The following ZNF610 variants were observed in gnomAD, a reference collection of about 807,000 sequenced individuals.
ZNF610 encodes the protein zinc finger protein 610, also known as zink finger protein.
Under a neutral mutation model 14.1 loss-of-function variants are expected in ZNF610, and 14 were observed. The observed-to-expected ratio is 0.99, with a 90% CI of 0.65 to 1.55. The LOEUF is 1.55. ZNF610 is among the 40% of genes most tolerant of loss of function. The pLI is 0.00. For missense variants in ZNF610, 530 were observed against 558.0 expected (o/e 0.95, Z 0.51); for synonymous variants, 185 against 187.6 (o/e 0.99, Z 0.11).
Position 52,363,573 on chromosome 19 carries a change from G to GCC in ZNF610, c.320-2125_320-2124insCC, listed in dbSNP as rs1985887611. 2.0e-5 allele frequency among the ~76,000 whole-genome samples: 3 copies of GCC among 152,178 alleles called. No homozygotes were observed. In the South Asian group the frequency reaches 6.2e-4, roughly 32 times the overall value. The stretch of plus-strand genomic sequence containing the variant: ...ATTTGGTGCCTATATATTTATAGTT[G>GCC]TTATATCTTCTTGGTGAATTGAACC... On this transcript the variant is annotated intron_variant, in intron 5 of 5. Coordinates refer to ENST00000403906, the MANE Select transcript of ZNF610 (RefSeq NM_001161425.2).
intron 5 of ZNF610, among the ~76,000 whole-genome samples, chr19:52,355,443 C>A (rs919275571): frequency 2.0e-5 from 3 of 152,226 alleles, no homozygotes; most frequent in Admixed American, 2.0e-4. Flanking sequence ...TTCTCACATG[C>A]CACTCAGCAC....
chr19:52,352,632 C>T (rs899211471), intron 3 of ZNF610, among the ~76,000 whole-genome samples: 2 of 152,106 alleles, frequency 1.3e-5, no homozygotes, highest in Non-Finnish European at 2.9e-5. Context: ...TCTAACAGAT[C>T]CTGCTTTTTC....
upstream of ZNF610, among the ~76,000 whole-genome samples, chr19:52,334,417 G>A (rs1027793974): frequency 6.6e-6 from 1 of 152,194 alleles, no homozygotes; most frequent in Non-Finnish European, 1.5e-5. Flanking sequence ...GGAGGCTGAG[G>A]CAGGAGAATT....
intron 5 of ZNF610, among the ~76,000 whole-genome samples, chr19:52,364,766 T>C (rs2115102): frequency 0.2 from 30,167 of 152,110 alleles, 3,169 homozygotes; most frequent in East Asian, 0.32. Context: ...TTAGCAGAGA[T>C]GAGGTTTCAC....
At position 52,366,245 on chromosome 19, in the gene ZNF610, A is replaced by T. The variant is rs749738110; in HGVS notation, c.867A>T (p.Lys289Asn). 6.2e-7 allele frequency: 1 copy of T among 1,613,308 alleles called. No individual in the cohort carries two copies. Among genetic ancestry groups the T allele is most frequent in the South Asian group, 1.1e-5 (1 of 90,992 alleles). The change falls in exon 6 of 6, where the codon AAA becomes AAT. Residue 289 changes from lysine (K) to asparagine (N), a missense_variant. Physicochemically the swap from Lys to Asn is moderately conservative, Grantham distance 94. Coordinates refer to ENST00000403906, the MANE Select transcript of ZNF610 (RefSeq NM_001161425.2). ...TTCATACTGGAGAGAAGCCTCACAA[A>T]TGTAACGAATGTGGCAAAGCTTTTA... ...QRIHTGEKPH[K>N]CNECGKAFRE...
chr19:52,353,097 C>G (rs1471968531), intron 3 of ZNF610, among the ~76,000 whole-genome samples: 2 of 152,012 alleles, frequency 1.3e-5, no homozygotes. Context: ...CGCCACCATG[C>G]CTGGCTAATT....
chr19:52,338,746 G>A (rs1465743349), intron 1 of ZNF610, among the ~76,000 whole-genome samples: 4 of 152,100 alleles, frequency 2.6e-5, no homozygotes, highest in African/African-American at 9.7e-5. Flanking sequence ...TGTTGCCCTG[G>A]CTGGTGTGCA....
At chr19:52,359,682 T>C (rs1985688476) in intron 5 of ZNF610, among the ~76,000 whole-genome samples, 1 of 151,492 alleles carries the variant, frequency 6.6e-6, no homozygotes, top group Non-Finnish European at 1.5e-5. Context: ...GGTATAGGAG[T>C]TTTTTCCCAC....
At position 52,354,374 on chromosome 19, in the gene ZNF610, A is replaced by AC; in HGVS notation, c.315dup (p.Thr106HisfsTer17). On this transcript the variant is annotated frameshift_variant, in exon 5 of 6. Coordinates refer to ENST00000403906, the MANE Select transcript of ZNF610 (RefSeq NM_001161425.2). LOFTEE classifies it low-confidence loss of function (END_TRUNC). The stretch of plus-strand genomic sequence containing the variant: ...GGAAGGGAATGTGTCAGAAGCGTGA[A>AC]CACAGGTAAGAGCTCTGATGGGCAG... The AC allele has an allele frequency of 6.2e-7, 1 of 1,614,092 alleles. No individual in the cohort carries two copies.
intron 1 of ZNF610, chr19:52,345,331 C>G (rs1185933465): frequency 1.3e-5 from 2 of 152,136 alleles, no homozygotes; most frequent in Non-Finnish European, 2.9e-5. Context: ...ATGAGAAGTT[C>G]CTGTTGCCTA....
At position 52,349,014 on chromosome 19, in the gene ZNF610, T is replaced by G. The variant is rs893570827; in HGVS notation, c.-19-140T>G. The G allele has an allele frequency of 4.7e-5, 29 of 619,398 alleles. No individual in the cohort carries two copies. The African/African-American group carries it at 5.2e-4, about 11-fold the overall frequency. The allele number at this position is 619,398 out of a possible 1,614,324, so 38.4% of individuals were successfully genotyped here. ...ACTCATTCTTCCTGTAGGAATTTCT[T>G]GTCCCTGCATCAACTCTGGTGCAGT... On this transcript the variant is annotated intron_variant, in intron 2 of 5. Coordinates refer to ENST00000403906, the MANE Select transcript of ZNF610 (RefSeq NM_001161425.2).
chr19:52,356,129 G>C (rs1306125567), intron 5 of ZNF610, among the ~76,000 whole-genome samples: 1 of 152,164 alleles, frequency 6.6e-6, no homozygotes. Flanking sequence ...TCAGAGCTCT[G>C]TGTCAGGAAC....
chr19:52,334,609 T>G (rs1984287117), upstream of ZNF610, among the ~76,000 whole-genome samples: 1 of 152,040 alleles, frequency 6.6e-6, no homozygotes, highest in South Asian at 2.1e-4. Flanking sequence ...CTCTACCAAT[T>G]TTGACAGTAG....
At chr19:52,351,428 C>G (rs2122223128) in intron 3 of ZNF610, among the ~76,000 whole-genome samples, 1 of 151,818 alleles carries the variant, frequency 6.6e-6, no homozygotes, top group South Asian at 2.1e-4. Context: ...TGCACTCCAG[C>G]CTGGGCGACA....
intron 1 of ZNF610, 38 bp from the exon 2 acceptor site, chr19:52,347,669 A>G (rs1484986075): frequency 1.3e-5 from 2 of 151,950 alleles, no homozygotes; most frequent in African/African-American, 4.8e-5. Flanking sequence ...GATGTGTTCC[A>G]CCATGCCTTG....
At chr19:52,345,848 G>A (rs1056024118) in intron 1 of ZNF610, among the ~76,000 whole-genome samples, 6 of 151,854 alleles carry the variant, frequency 4.0e-5, no homozygotes, top group Non-Finnish European at 2.9e-5. Context: ...GGGACTACAG[G>A]CGCTCACCAC....
intron 1 of ZNF610, among the ~76,000 whole-genome samples, chr19:52,338,208 C>G (rs534129371): frequency 6.4e-4 from 98 of 152,328 alleles, no homozygotes; most frequent in Middle Eastern, 3.4e-3. Flanking sequence ...AACCTTGTGA[C>G]CAACCAACTA....
chr19:52,344,761 C>G (rs560760156), intron 1 of ZNF610, among the ~76,000 whole-genome samples: 1 of 152,256 alleles, frequency 6.6e-6, no homozygotes, highest in South Asian at 2.1e-4. Context: ...CTTGCCATTC[C>G]GAGTAGTGTG....
chr19:52,362,698 T>C (rs1037500748), intron 5 of ZNF610, among the ~76,000 whole-genome samples: 3 of 152,232 alleles, frequency 2.0e-5, no homozygotes, highest in Non-Finnish European at 2.9e-5. Flanking sequence ...AGATGTGTTG[T>C]TTCATTTGGA....
Sources: gnomAD v4.1 joint callset for allele counts (sites outside exome capture counted in the v4.1 genomes callset) on GRCh38, gnomAD v4.1.1 for gene constraint, MANE v1.5 for transcripts, NCBI Gene and HGNC (gene_info 2026-07-23, HGNC 2026-07-21) for gene names.